The following ADGRG2 variants were observed in gnomAD, a reference collection of about 807,000 sequenced individuals.
ADGRG2 encodes the protein G protein-coupled receptor 64.
ADGRG2 carries 26 observed loss-of-function variants against 74.1 expected under a neutral mutation model. The observed-to-expected ratio is 0.35, with a 90% CI of 0.26 to 0.49. The LOEUF (loss-of-function observed/expected upper bound fraction) is 0.49. Ranked by LOEUF, ADGRG2 falls within the 20% of genes least tolerant of loss-of-function variation. The pLI, the probability that ADGRG2 is intolerant of heterozygous loss-of-function variation, is 0.99. For missense variants in ADGRG2, 619 were observed against 763.1 expected, an observed-to-expected ratio of 0.81 and a Z score of 2.22; for synonymous variants, 296 against 295.2, an observed-to-expected ratio of 1.00 and a Z score of -0.03.
intron 1 of ADGRG2, among the ~76,000 whole-genome samples, chrX:19,097,292 ACT>A (rs1461640915): frequency 8.9e-6 from 1 of 112,590 alleles, no homozygotes; most frequent in Non-Finnish European, 1.9e-5. Flanking sequence ...CGGGTGGATC[ACT>A]TGAGGTCAGG....
At chrX:19,008,930 T>C (rs975765256) in intron 18 of ADGRG2, among the ~76,000 whole-genome samples, 3 of 111,324 alleles carry the variant, frequency 2.7e-5, no homozygotes, top group African/African-American at 9.8e-5. Flanking sequence ...CCAATCCCTC[T>C]AAATAGGTGG....
At chrX:19,085,792 T>C (rs2061926730) in intron 1 of ADGRG2, among the ~76,000 whole-genome samples, 1 of 111,390 alleles carries the variant, frequency 9.0e-6, no homozygotes, top group Non-Finnish European at 1.9e-5. Context: ...AGTAGATTTC[T>C]TCTAGTGAAG....
intron 1 of ADGRG2, among the ~76,000 whole-genome samples, chrX:19,109,029 C>A (rs2062365875): frequency 9.1e-6 from 1 of 110,080 alleles, no homozygotes; most frequent in South Asian, 3.9e-4. Flanking sequence ...TATAGGGAGA[C>A]CCCATCTCAA....
chrX:19,097,884 G>A (rs1170625091), intron 1 of ADGRG2, among the ~76,000 whole-genome samples: 2 of 112,713 alleles, frequency 1.8e-5, no homozygotes, highest in East Asian at 5.6e-4. Flanking sequence ...GTGCCAGTGC[G>A]GCATTCAAAC....
At chrX:19,004,731 T>G in intron 23 of ADGRG2, 27 bp downstream of exon 23, 1 of 1,200,447 alleles carries the variant, frequency 8.3e-7, no homozygotes, top group Non-Finnish European at 1.1e-6. Flanking sequence ...GAGTCCTAAA[T>G]CCAAATTTCC....
chrX:19,109,911 C>T (rs919375478), intron 1 of ADGRG2, among the ~76,000 whole-genome samples: 4 of 111,190 alleles, frequency 3.6e-5, no homozygotes. Flanking sequence ...TGTCTAGAAA[C>T]CCTAATAATC....
intron 2 of ADGRG2, among the ~76,000 whole-genome samples, chrX:19,069,498 C>T (rs1034307521): frequency 9.0e-6 from 1 of 110,913 alleles, no homozygotes; most frequent in African/African-American, 3.3e-5. Flanking sequence ...AGCCTGGACC[C>T]GCAGCCAAAA....
Position 19,108,720 on chromosome X carries a change from G to A in ADGRG2, c.-47+13722C>T, listed in dbSNP as rs141406535. 5.6e-3 allele frequency among the ~76,000 whole-genome samples: 623 copies of A among 111,658 alleles called. 6 individuals are homozygous for A. The highest frequency in any genetic ancestry group is 0.02 in the African/African-American group (601 of 30,749). On this transcript the variant is annotated intron_variant, in intron 1 of 28. Transcript: ENST00000379869. ...AACAGGCACAATATGTGGCATTTGA[G>A]GGAGAACAGTAGTCACCCTTGGGGG...
rs768424519 is a variant in ADGRG2 at position 18,998,600 on chromosome X, C to CTTTT, written c.2614+392_2614+395dup. Among the ~76,000 whole-genome samples, 333 of 81,177 alleles carry CTTTT rather than the reference C, an allele frequency of 4.1e-3. 3 individuals are homozygous for CTTTT. The highest frequency in any genetic ancestry group is 0.015 in the African/African-American group (318 of 21,340). 70.5% of individuals were successfully genotyped at this position (81,177 alleles called of 115,157 possible). Reference sequence around the variant, plus strand: ...ACCTCATGGGGTTTCACAGATAGTACTTTTTTTTTTTTTTTTTTTTTTTTA... The same window carrying CTTTT: ...ACCTCATGGGGTTTCACAGATAGTACTTTTTTTTTTTTTTTTTTTTTTTTTTTTA... On this transcript the variant is annotated intron_variant, in intron 26 of 28. Transcript: ENST00000379869.
chrX:19,061,067 G>C (rs1196735119), intron 3 of ADGRG2, among the ~76,000 whole-genome samples: 1 of 111,782 alleles, frequency 8.9e-6, no homozygotes, highest in African/African-American at 3.3e-5. Context: ...GAATCTTAAC[G>C]GGGAATCAGT....
At position 19,006,227 on chromosome X, in the gene ADGRG2, G is replaced by T; in HGVS notation, c.1728C>A (p.Gly576=). The T allele has an allele frequency of 8.5e-7, 1 of 1,180,086 alleles. No homozygotes were observed. Among genetic ancestry groups the T allele is most frequent in the Non-Finnish European group, 1.2e-6 (1 of 868,270 alleles). ...LTVRCVFWDL[G]RNGGRGGWSD... ...GTTATGACTGGAACTTACCATTTCTGCCCAAGTCCCAAAATACACATCTCA... is the reference window on the plus strand; with the variant it reads ...GTTATGACTGGAACTTACCATTTCTTCCCAAGTCCCAAAATACACATCTCA... The change falls in exon 21 of 29, where the codon GGC becomes GGA. Residue 576 remains glycine (G), a synonymous_variant. Coordinates refer to ENST00000379869, the MANE Select transcript of ADGRG2 (RefSeq NM_001079858.3).
In ADGRG2 at chrX:19,086,455, C is replaced by G. The variant is rs752035097; in HGVS notation, c.-46-3709G>C. 5.4e-5 allele frequency among the ~76,000 whole-genome samples: 6 copies of G among 111,261 alleles called. No homozygotes were observed. The East Asian group carries it at 8.5e-4, about 16-fold the overall frequency. The stretch of plus-strand genomic sequence containing the variant: ...CCTCTATTTATCAAGCTGGCTAAAA[C>G]CCAGGGTAATACCAGCGTGACCCAA... On this transcript the variant is annotated intron_variant, in intron 1 of 28. Coordinates refer to ENST00000379869, the MANE Select transcript of ADGRG2 (RefSeq NM_001079858.3).
intron 1 of ADGRG2, among the ~76,000 whole-genome samples, chrX:19,111,108 T>C (rs1192967440): frequency 9.0e-6 from 1 of 111,482 alleles, no homozygotes; most frequent in Non-Finnish European, 1.9e-5. Flanking sequence ...GGCATGAAAC[T>C]AGTAGGTGTG....
chrX:18,997,512 G>A (rs1240719534), intron 26 of ADGRG2, among the ~76,000 whole-genome samples: 1 of 112,013 alleles, frequency 8.9e-6, no homozygotes, highest in African/African-American at 3.2e-5. Flanking sequence ...CAGTATTGCC[G>A]TGGTTGGCAA....
chrX:19,058,076 A>T (rs1321329271), intron 3 of ADGRG2, among the ~76,000 whole-genome samples: 1 of 111,667 alleles, frequency 9.0e-6, no homozygotes, highest in Non-Finnish European at 1.9e-5. Context: ...AATACCAGAT[A>T]CCAAAATAGT....
At chrX:19,064,492 G>A in intron 3 of ADGRG2, among the ~76,000 whole-genome samples, 1 of 112,040 alleles carries the variant, frequency 8.9e-6, no homozygotes, top group Middle Eastern at 4.6e-3. Context: ...TGGAGAAGTG[G>A]CAGGTCAGTC....
At chrX:19,028,263 ATT>A (rs772347569) in intron 9 of ADGRG2, 25 bp from the exon 10 acceptor site, 15 of 745,689 alleles carry the variant, frequency 2.0e-5, no homozygotes, top group Middle Eastern at 2.9e-4. Flanking sequence ...TCAAAAAGAT[ATT>A]TGAGACTTGT....
intron 2 of ADGRG2, among the ~76,000 whole-genome samples, chrX:19,071,083 T>A (rs139326235): frequency 1.1e-3 from 127 of 111,184 alleles, no homozygotes; most frequent in African/African-American, 4.1e-3. Flanking sequence ...GAAAGGGGTT[T>A]TATAAGTCAG....
Position 19,055,272 on chromosome X carries a change from ATG to A in ADGRG2, c.118+13443_118+13444del, listed in dbSNP as rs72318959. Among the ~76,000 whole-genome samples the A allele has an allele frequency of 2.9e-3, 258 of 90,404 alleles. 1 individual carries two copies. The highest frequency in any genetic ancestry group is 8.3e-3 in the African/African-American group (192 of 23,014). The allele number at this position is 90,404 out of a possible 115,157, so 78.5% of individuals were successfully genotyped here. A position where few individuals can be genotyped will look rare whatever the true frequency, so the allele number is the denominator to read the frequency against. ...TGTGTGTGTGTGTGTGTGTGTGTGT[ATG>A]TGTGTGTGTGTGCGCGCGCACGCGC... On this transcript the variant is annotated intron_variant, in intron 3 of 28. Coordinates refer to ENST00000379869, the MANE Select transcript of ADGRG2 (RefSeq NM_001079858.3).
Sources: allele counts gnomAD v4.1 joint callset (sites outside exome capture counted in the v4.1 genomes callset), GRCh38; gene constraint gnomAD v4.1.1; transcripts MANE v1.5; gene names NCBI Gene and HGNC (gene_info 2026-07-23, HGNC 2026-07-21).